The following TMEM212 variants were observed in gnomAD, a reference collection of about 807,000 sequenced individuals.
TMEM212 encodes the protein transmembrane protein 212.
TMEM212 carries 23 observed loss-of-function variants against 20.5 expected under a neutral mutation model. That is an observed-to-expected ratio of 1.12 (90% CI 0.81 to 1.59). The LOEUF (loss-of-function observed/expected upper bound fraction) is 1.59, where lower values mean the gene tolerates loss of function less well. Among genes scored for constraint, TMEM212 ranks in the 40% most tolerant of loss-of-function variants. The pLI is 0.00. For synonymous variants in TMEM212, 76 were observed against 81.6 expected, an observed-to-expected ratio of 0.93 and a Z score of 0.37; for missense variants, 211 against 215.0, an observed-to-expected ratio of 0.98 and a Z score of 0.12.
chr3:171,850,867 C>T (rs1724962660), intron 1 of TMEM212, among the ~76,000 whole-genome samples: 1 of 151,914 alleles, frequency 6.6e-6, no homozygotes, highest in African/African-American at 2.4e-5. Flanking sequence ...GTGTGTGTTT[C>T]CCTCTCTCTC....
chr3:171,851,002 A>G (rs1560326438), intron 1 of TMEM212, among the ~76,000 whole-genome samples: 1 of 152,216 alleles, frequency 6.6e-6, no homozygotes, highest in Non-Finnish European at 1.5e-5. Context: ...CATGTGGGTA[A>G]AAATGCTGAT....
In TMEM212 at chr3:171,859,308, A is replaced by G. The variant is rs1186812804; in HGVS notation, c.*1251A>G. ...AGAACTTAGAGTATAATAAAAAAAA[A>G]GAAAACAGTGTGGAGGCTCCTCCAA... On this transcript the variant is annotated 3_prime_UTR_variant, in exon 5 of 5. Coordinates refer to ENST00000334567, the MANE Select transcript of TMEM212 (RefSeq NM_001164436.2). The G allele has an allele frequency of 6.6e-6, 1 of 152,180 alleles. No homozygotes were observed. The allele number at this position is 152,180 out of a possible 1,614,324, so 9.4% of individuals were successfully genotyped here. A position where few individuals can be genotyped will look rare whatever the true frequency, so the allele number is the denominator to read the frequency against.
At chr3:171,844,848 T>G (rs1225251088) in intron 1 of TMEM212, among the ~76,000 whole-genome samples, 1 of 152,216 alleles carries the variant, frequency 6.6e-6, no homozygotes, top group East Asian at 1.9e-4. Flanking sequence ...TAAATATTTA[T>G]GAATAGCCCC....
chr3:171,857,694 T>C (rs1725152422), intron 4 of TMEM212, among the ~76,000 whole-genome samples: 1 of 152,024 alleles, frequency 6.6e-6, no homozygotes, highest in Non-Finnish European at 1.5e-5. Context: ...CAGCAAGAAA[T>C]AAATAATCTG....
At chr3:171,854,821 G>T (rs1019944650) in intron 3 of TMEM212, among the ~76,000 whole-genome samples, 2 of 152,118 alleles carry the variant, frequency 1.3e-5, no homozygotes, top group Admixed American at 1.3e-4. Context: ...AGGACATAGA[G>T]CTCAGAAATA....
rs868695028 is a variant in TMEM212, at chr3:171,843,641, C to A, written c.159+99C>A. The A allele has an allele frequency of 9.6e-5, 100 of 1,046,568 alleles. 1 individual carries two copies. Among genetic ancestry groups the A allele is most frequent in the Middle Eastern group, 7.9e-4 (3 of 3,812 alleles). 64.8% of individuals were successfully genotyped at this position (1,046,568 alleles called of 1,614,324 possible). A position where few individuals can be genotyped will look rare whatever the true frequency, so the allele number is the denominator to read the frequency against. On this transcript the variant is annotated intron_variant, in intron 1 of 4. Transcript: ENST00000334567. ...ATCCTTTTAAATTGTTCTAACAATACAAAGAAGTCAAAATTCCACAAAAAA... is the reference window on the plus strand; with the variant it reads ...ATCCTTTTAAATTGTTCTAACAATAAAAAGAAGTCAAAATTCCACAAAAAA...
intron 3 of TMEM212, among the ~76,000 whole-genome samples, chr3:171,855,761 A>C (rs1243663482): frequency 6.6e-6 from 1 of 152,176 alleles, no homozygotes; most frequent in Non-Finnish European, 1.5e-5. Flanking sequence ...TAATTTGGTA[A>C]ATTTAATCTC....
At chr3:171,849,573 A>G (rs1390677657) in intron 1 of TMEM212, among the ~76,000 whole-genome samples, 1 of 152,230 alleles carries the variant, frequency 6.6e-6, no homozygotes, top group Non-Finnish European at 1.5e-5. Context: ...AATACATGTT[A>G]ACATTTATTA....
chr3:171,851,268 C>A (rs1183818089), intron 1 of TMEM212, among the ~76,000 whole-genome samples: 1 of 152,130 alleles, frequency 6.6e-6, no homozygotes, highest in Non-Finnish European at 1.5e-5. Flanking sequence ...ATCAAAGAGC[C>A]AGGAATATAT....
At chr3:171,846,676 A>AC (rs1724841637) in intron 1 of TMEM212, among the ~76,000 whole-genome samples, 1 of 152,226 alleles carries the variant, frequency 6.6e-6, no homozygotes, top group African/African-American at 2.4e-5. Context: ...TTTATATTAT[A>AC]CTAGTGCAGG....
chr3:171,849,312 G>A (rs180719876), intron 1 of TMEM212, among the ~76,000 whole-genome samples: 60 of 152,202 alleles, frequency 3.9e-4, no homozygotes, highest in Non-Finnish European at 7.6e-4. Flanking sequence ...TTCTCATGCA[G>A]AAAACATTCA....
chr3:171,844,166 G>A (rs1052895695), intron 1 of TMEM212, among the ~76,000 whole-genome samples: 7 of 152,272 alleles, frequency 4.6e-5, no homozygotes, highest in African/African-American at 7.2e-5. Flanking sequence ...GTAGTACTCC[G>A]TGTGCGCTCA....
chr3:171,854,158 T>G (rs921029320), intron 3 of TMEM212, among the ~76,000 whole-genome samples: 5 of 152,068 alleles, frequency 3.3e-5, no homozygotes, highest in African/African-American at 1.2e-4. Flanking sequence ...CTATTCAACA[T>G]AGTACTGGAA....
At chr3:171,852,098 C>T (rs2108381029) in intron 2 of TMEM212, 57 bp downstream of exon 2, 2 of 1,324,478 alleles carry the variant, frequency 1.5e-6, no homozygotes, top group Non-Finnish European at 2.1e-6. Context: ...CAAATCACTA[C>T]TAAGTTCAGG....
chr3:171,853,414 T>C, intron 2 of TMEM212, 113 bp from the exon 3 acceptor site: 1 of 880,656 alleles, frequency 1.1e-6, no homozygotes, highest in Non-Finnish European at 1.7e-6. Flanking sequence ...TCTCCCTCAT[T>C]TTCCAATAGG....
rs569064627 is a variant in TMEM212, at chr3:171,847,421, G to A, written c.159+3879G>A. Among the ~76,000 whole-genome samples the A allele has an allele frequency of 2.6e-3, 394 of 152,304 alleles. 2 individuals are homozygous for A. Among genetic ancestry groups the A allele is most frequent in the African/African-American group, 9.0e-3 (373 of 41,556 alleles). On this transcript the variant is annotated intron_variant, in intron 1 of 4. Coordinates refer to ENST00000334567, the MANE Select transcript of TMEM212 (RefSeq NM_001164436.2). ...ACGGAAGTTCTGCCCCTTCCTCGAC[G>A]GTTAGAGAAGGGGCTTGATTACATG... is the stretch of plus-strand genomic sequence containing the variant.
At chr3:171,855,868 GA>G (rs1725102585) in intron 3 of TMEM212, among the ~76,000 whole-genome samples, 1 of 152,120 alleles carries the variant, frequency 6.6e-6, no homozygotes, top group African/African-American at 2.4e-5. Context: ...AAAATAGTGG[GA>G]GCATAAAATA....
Position 171,853,749 on chromosome 3 carries a change from C to T in TMEM212, c.442C>T (p.Leu148Phe). ...ACACTACGAAGAGTACCACCTGACA[C>T]TTCAAGCCCTAGACCTGTGCCTAAG... is the stretch of plus-strand genomic sequence containing the variant. ...PPHYEEYHLT[L>F]QALDLCLSFT... The change falls in exon 3 of 5, where the codon CTT (leucine) becomes TTT (phenylalanine). Residue 148 changes from leucine to phenylalanine, a missense_variant. Coordinates refer to ENST00000334567, the MANE Select transcript of TMEM212 (RefSeq NM_001164436.2). 2.0e-6 allele frequency: 3 copies of T among 1,537,496 alleles called. No homozygotes were observed. Among genetic ancestry groups the T allele is most frequent in the Non-Finnish European group, 2.6e-6 (3 of 1,146,930 alleles).
rs375433779 is a variant in TMEM212, at chr3:171,848,275, G to A, written c.160-3707G>A. On this transcript the variant is annotated intron_variant, in intron 1 of 4. Transcript: ENST00000334567. ...AGTCTGCATGTCTAATGAGTTCCCA[G>A]AGGATGCCCATGCTGCTGGTCCTAG... Among the ~76,000 whole-genome samples, 7 of 152,276 alleles carry A rather than the reference G, an allele frequency of 4.6e-5. No homozygotes were observed. In the South Asian group the frequency reaches 1.0e-3, roughly 23 times the overall value.
Sources: allele counts gnomAD v4.1 joint callset (sites outside exome capture counted in the v4.1 genomes callset), GRCh38; gene constraint gnomAD v4.1.1; transcripts MANE v1.5; gene names NCBI Gene and HGNC (gene_info 2026-07-23, HGNC 2026-07-21).